The following BMPR1A variants were observed in gnomAD, a reference collection of about 807,000 sequenced individuals.
BMPR1A encodes bone morphogenetic protein receptor type-1A.
A neutral mutation model predicts 66.0 loss-of-function variants in BMPR1A; 7 were observed. The ratio of observed to expected loss-of-function variants is 0.11; its 90% CI spans 0.06 to 0.20. The LOEUF (loss-of-function observed/expected upper bound fraction) is 0.20, where lower values mean the gene tolerates loss of function less well. BMPR1A is among the 10% of genes least tolerant of loss of function. The probability of loss-of-function intolerance (pLI) is 1.00; values close to 1 mark genes in which losing one functional copy is unlikely to be tolerated. For synonymous variants in BMPR1A, 200 were observed against 229.7 expected, an observed-to-expected ratio of 0.87 and a Z score of 1.17; for missense variants, 408 against 669.1, an observed-to-expected ratio of 0.61 and a Z score of 4.31.
chr10:86,838,353 A>G (rs1842380062), intron 1 of BMPR1A, among the ~76,000 whole-genome samples: 2 of 152,246 alleles, frequency 1.3e-5, no homozygotes, highest in South Asian at 4.1e-4. Context: ...CCTATTCCAC[A>G]GGCATAGACC....
chr10:86,855,719 G>T, intron 2 of BMPR1A: 2 of 785,308 alleles, frequency 2.5e-6, no homozygotes, highest in South Asian at 3.6e-5. Context: ...TTTGTGTTTG[G>T]CATTAGCTTT....
intron 1 of BMPR1A, among the ~76,000 whole-genome samples, chr10:86,814,978 G>A (rs924904765): frequency 6.6e-6 from 1 of 152,130 alleles, no homozygotes; most frequent in African/African-American, 2.4e-5. Flanking sequence ...TAGAGACAGG[G>A]TTTCACCATA....
At chr10:86,919,574 GT>G in intron 10 of BMPR1A, 105 bp downstream of exon 10, 1 of 1,442,554 alleles carries the variant, frequency 6.9e-7, no homozygotes, top group Non-Finnish European at 9.6e-7. Flanking sequence ...GCATATGCTT[GT>G]TTTTAGTTAC....
chr10:86,802,806 TA>T (rs1343438560), intron 1 of BMPR1A, among the ~76,000 whole-genome samples: 223 of 143,196 alleles, frequency 1.6e-3, no homozygotes, highest in Middle Eastern at 3.6e-3. Flanking sequence ...CAGACATGTT[TA>T]AAAAAAAAAA....
intron 1 of BMPR1A, among the ~76,000 whole-genome samples, chr10:86,825,772 T>C (rs1842185226): frequency 6.6e-6 from 1 of 152,190 alleles, no homozygotes; most frequent in African/African-American, 2.4e-5. Flanking sequence ...CCATCGTGCC[T>C]GGCCTTTCAT....
intron 7 of BMPR1A, among the ~76,000 whole-genome samples, chr10:86,911,403 A>G (rs1843482821): frequency 1.3e-5 from 2 of 152,160 alleles, no homozygotes; most frequent in Admixed American, 1.3e-4. Context: ...CCTACAAATC[A>G]ATGAGGAGAA....
intron 1 of BMPR1A, among the ~76,000 whole-genome samples, chr10:86,798,089 C>T (rs1841750512): frequency 6.6e-6 from 1 of 152,062 alleles, no homozygotes; most frequent in South Asian, 2.1e-4. Flanking sequence ...GACACATCCT[C>T]TTCATTTAAG....
chr10:86,907,774 G>A (rs1451887071), intron 7 of BMPR1A, among the ~76,000 whole-genome samples: 1 of 152,180 alleles, frequency 6.6e-6, no homozygotes, highest in Non-Finnish European at 1.5e-5. Context: ...TGATTTCATA[G>A]AGGTGGTAAG....
chr10:86,870,649 C>G (rs951361377), intron 2 of BMPR1A, among the ~76,000 whole-genome samples: 6 of 152,060 alleles, frequency 3.9e-5, no homozygotes, highest in Non-Finnish European at 5.9e-5. Flanking sequence ...GGTGTTAACT[C>G]CAGACCTCAA....
At chr10:86,869,075 T>C (rs1218957899) in intron 2 of BMPR1A, among the ~76,000 whole-genome samples, 1 of 152,192 alleles carries the variant, frequency 6.6e-6, no homozygotes, top group African/African-American at 2.4e-5. Context: ...TTTGCAAGAT[T>C]AGATATTTTT....
At chr10:86,931,298 C>CACACACACACACATATAT, downstream of BMPR1A, 12 of 90,910 alleles carry the variant, frequency 1.3e-4, 1 homozygote, top group African/African-American at 8.5e-4. Context: ...CACACACACA[C>CACACACACACACATATAT]ATATATATAT....
intron 3 of BMPR1A, among the ~76,000 whole-genome samples, chr10:86,876,525 T>G (rs1276599589): frequency 6.6e-6 from 1 of 152,152 alleles, no homozygotes; most frequent in Non-Finnish European, 1.5e-5. Flanking sequence ...GGCTCACACC[T>G]GTAATCCCAG....
At chr10:86,779,061 C>T (rs1841398048) in intron 1 of BMPR1A, among the ~76,000 whole-genome samples, 1 of 151,834 alleles carries the variant, frequency 6.6e-6, no homozygotes, top group Non-Finnish European at 1.5e-5. Context: ...AGTCACCATA[C>T]TCAGCCCAGA....
chr10:86,857,751 CAAAA>C (rs1207331757), intron 2 of BMPR1A, among the ~76,000 whole-genome samples: 1 of 87,060 alleles, frequency 1.1e-5, no homozygotes. Flanking sequence ...TCTAGTGATC[CAAAA>C]AAAAAAAAAA....
chr10:86,757,268 A>G (rs941252331), intron 1 of BMPR1A, among the ~76,000 whole-genome samples: 10 of 152,190 alleles, frequency 6.6e-5, no homozygotes, highest in African/African-American at 2.2e-4. Flanking sequence ...GGCGAGGCTG[A>G]TATTTGTGAT....
chr10:86,917,633 T>C (rs1666629706), intron 9 of BMPR1A, among the ~76,000 whole-genome samples: 1 of 152,240 alleles, frequency 6.6e-6, no homozygotes, highest in South Asian at 2.1e-4. Context: ...TAGGGTAACA[T>C]TAACATATGT....
intron 7 of BMPR1A, among the ~76,000 whole-genome samples, chr10:86,911,037 C>A (rs116180618): frequency 1.3e-5 from 2 of 151,816 alleles, no homozygotes; most frequent in African/African-American, 4.8e-5. Flanking sequence ...TACCAGTAGT[C>A]CCAGCCACTT....
At chr10:86,825,473 TTGTG>T (rs34683915) in intron 1 of BMPR1A, among the ~76,000 whole-genome samples, 20 of 148,778 alleles carry the variant, frequency 1.3e-4, no homozygotes, top group Non-Finnish European at 2.2e-4. Flanking sequence ...CTTTTTTTGT[TTGTG>T]TGTGTGTGTG....
At chr10:86,762,811 T>G (rs1330874775) in intron 1 of BMPR1A, among the ~76,000 whole-genome samples, 1 of 152,202 alleles carries the variant, frequency 6.6e-6, no homozygotes, top group Non-Finnish European at 1.5e-5. Flanking sequence ...GCGGGTACTT[T>G]GGAAGGCTTT....
Sources: gnomAD v4.1 joint callset for allele counts (sites outside exome capture counted in the v4.1 genomes callset) on GRCh38, gnomAD v4.1.1 for gene constraint, MANE v1.5 for transcripts, NCBI Gene and HGNC (gene_info 2026-07-23, HGNC 2026-07-21) for gene names.